PCDHGB1: variants seen among roughly 807,000 people sequenced by gnomAD.
PCDHGB1 encodes protocadherin gamma subfamily B, 1, also known as protocadherin gamma-B1.
Under a neutral mutation model 56.6 loss-of-function variants are expected in PCDHGB1, and 34 were observed. The ratio of observed to expected loss-of-function variants is 0.60; its 90% CI spans 0.46 to 0.80. PCDHGB1 has a LOEUF of 0.80. Among genes scored for constraint, PCDHGB1 ranks in the 30% least tolerant of loss-of-function variants. The pLI, the probability that PCDHGB1 is intolerant of heterozygous loss-of-function variation, is 0.00. For synonymous variants in PCDHGB1, 561 were observed against 505.9 expected (o/e 1.11, Z -1.46); for missense variants, 1,278 against 1,204.6 (o/e 1.06, Z -0.90).
intron 1 of PCDHGB1, chr5:141,389,498 A>C: frequency 6.2e-7 from 1 of 1,613,046 alleles, no homozygotes; most frequent in African/African-American, 1.3e-5. Context: ...AGGGCTCGCC[A>C]GCGCTCAGCG....
At chr5:141,505,777 TCTG>T (rs77860300) in intron 3 of PCDHGB1, among the ~76,000 whole-genome samples, 6,508 of 152,280 alleles carry the variant, frequency 0.043, 161 homozygotes, top group Middle Eastern at 0.13. Context: ...AGGTCCTAGC[TCTG>T]CTACTATCCT....
chr5:141,350,891 G>A lies in PCDHGB1; in HGVS notation c.631G>A (p.Ala211Thr), dbSNP rs780126107. The A allele has an allele frequency of 1.2e-6, 2 of 1,614,036 alleles. No individual in the cohort carries two copies. The highest frequency in any genetic ancestry group is 1.7e-6 in the Non-Finnish European group (2 of 1,179,902). The change falls in exon 1 of 4, where the codon GCC becomes ACC. Residue 211 changes from alanine (A) to threonine (T), a missense_variant. Ala to Thr is a moderately conservative substitution (Grantham distance 58, BLOSUM62 0). Transcript: ENST00000523390. ...GAGCTCTCATCGCTTAATCCTGACT[G>A]CCATGGATGGCGGGGACCCGCCTCT... ...HQSSHRLILT[A>T]MDGGDPPLSG...
intron 1 of PCDHGB1, among the ~76,000 whole-genome samples, chr5:141,381,590 A>G (rs1588902211): frequency 6.6e-6 from 1 of 152,194 alleles, no homozygotes; most frequent in South Asian, 2.1e-4. Context: ...TCCATTATCC[A>G]GTTTCTTATG....
chr5:141,371,271 A>C (rs1251715871), intron 1 of PCDHGB1: 2 of 1,613,938 alleles, frequency 1.2e-6, no homozygotes, highest in Non-Finnish European at 1.7e-6. Flanking sequence ...ACAACTGTTC[A>C]AGCTGGACAG....
chr5:141,361,719 C>G, intron 1 of PCDHGB1: 1 of 1,613,364 alleles, frequency 6.2e-7, no homozygotes. Flanking sequence ...TGCGCGCCTT[C>G]GAGCTCACAC....
chr5:141,432,250 A>C lies in PCDHGB1; in HGVS notation c.2410-62557A>C, dbSNP rs777728825. ...ATTCCCTGGCTGAGAACACCATCCA[A>C]GGGGCAAGCCTATCGTCCTACGTGT... On this transcript the variant is annotated intron_variant, in intron 1 of 3. Coordinates refer to ENST00000523390, the MANE Select transcript of PCDHGB1 (RefSeq NM_018922.3). This position sits in a 1 kb window ranked among gnomAD's most constrained non-coding sequence, Gnocchi z 6.0. 2 of 1,614,116 alleles carry C rather than the reference A, an allele frequency of 1.2e-6. No homozygotes were observed. The highest frequency in any genetic ancestry group is 1.7e-6 in the Non-Finnish European group (2 of 1,180,062).
At chr5:141,405,232 C>T (rs779259588) in intron 1 of PCDHGB1, 8 of 1,613,990 alleles carry the variant, frequency 5.0e-6, no homozygotes, top group Middle Eastern at 1.6e-4. Flanking sequence ...TCTCCCTCAC[C>T]GCTGACTCAA....
intron 1 of PCDHGB1, among the ~76,000 whole-genome samples, chr5:141,368,152 ACC>A (rs1765509493): frequency 2.0e-5 from 3 of 152,192 alleles, no homozygotes; most frequent in Admixed American, 6.5e-5. Flanking sequence ...TACTTTTAAA[ACC>A]TTGAGCATCA....
chr5:141,389,432 C>A (rs1007591817), intron 1 of PCDHGB1: 2 of 1,610,650 alleles, frequency 1.2e-6, no homozygotes, highest in Non-Finnish European at 8.5e-7. Flanking sequence ...TCGCGCAGCG[C>A]GCCTTCGACC....
chr5:141,384,828 G>T (rs746957314), intron 1 of PCDHGB1: 2 of 1,613,488 alleles, frequency 1.2e-6, no homozygotes, highest in African/African-American at 1.3e-5. Flanking sequence ...AGAGCCTCGT[G>T]GTGGCCGTCC....
chr5:141,436,309 T>C (rs1228417864), intron 1 of PCDHGB1, among the ~76,000 whole-genome samples: 1 of 152,198 alleles, frequency 6.6e-6, no homozygotes, highest in Non-Finnish European at 1.5e-5. Flanking sequence ...AGAGCATGAA[T>C]AGTCAAGACT....
At chr5:141,494,770 C>A (rs767006872) in intron 1 of PCDHGB1, 37 bp from the exon 2 acceptor site, 14 of 1,613,904 alleles carry the variant, frequency 8.7e-6, no homozygotes, top group Non-Finnish European at 1.1e-5. Flanking sequence ...TAACTTCTCA[C>A]GGGTACTCAG....
Position 141,351,167 on chromosome 5 carries a change from T to G in PCDHGB1, c.907T>G (p.Leu303Val), listed in dbSNP as rs745490255. The G allele has an allele frequency of 6.2e-7, 1 of 1,613,946 alleles. No individual in the cohort carries two copies. The highest frequency in any genetic ancestry group is 8.5e-7 in the Non-Finnish European group (1 of 1,179,864). ...NTGDITTNGT[L>V]DFEETSRYVL... The stretch of plus-strand genomic sequence containing the variant: ...TGGCGACATCACAACCAATGGCACA[T>G]TGGATTTTGAAGAGACAAGTAGATA... Residue 303 changes from leucine (L) to valine (V), a missense_variant, in exon 1 of 4, where the codon TTG becomes GTG. Leu to Val is a conservative substitution (Grantham distance 32). Transcript: ENST00000523390.
chr5:141,376,214 C>T, intron 1 of PCDHGB1: 1 of 1,614,204 alleles, frequency 6.2e-7, no homozygotes, highest in Non-Finnish European at 8.5e-7. Flanking sequence ...CGTCATCGTG[C>T]TGCTGGCGCT....
At chr5:141,473,270 T>C (rs538574742) in intron 1 of PCDHGB1, among the ~76,000 whole-genome samples, 4 of 152,326 alleles carry the variant, frequency 2.6e-5, no homozygotes, top group African/African-American at 9.6e-5. Context: ...GTGTATGCTA[T>C]GATTATTTTA....
At chr5:141,399,511 C>A (rs1252813422) in intron 1 of PCDHGB1, 1 of 1,613,924 alleles carries the variant, frequency 6.2e-7, no homozygotes, top group African/African-American at 1.3e-5. Flanking sequence ...CGAAAACAAC[C>A]CTCCTGGGGC....
Position 141,438,625 on chromosome 5 carries a change from TATATATATATACAC to T in PCDHGB1, c.2410-56180_2410-56167del, listed in dbSNP as rs1291649000. Among the ~76,000 whole-genome samples, 88 of 46,398 alleles carry T rather than the reference TATATATATATACAC, an allele frequency of 1.9e-3. 1 individual carries two copies. The highest frequency in any genetic ancestry group is 8.6e-3 in the African/African-American group (72 of 8,380). 30.4% of individuals were successfully genotyped at this position (46,398 alleles called of 152,430 possible). A position where few individuals can be genotyped will look rare whatever the true frequency, so the allele number is the denominator to read the frequency against. ...ATATATATATATATATATATATATATATATATATATACACACACACACACACATATATGTATATA... is the reference window on the plus strand; with the variant it reads ...ATATATATATATATATATATATATATACACACACACACATATATGTATATA... On this transcript the variant is annotated intron_variant, in intron 1 of 3. Transcript: ENST00000523390.
At chr5:141,442,947 C>T (rs185574624) in intron 1 of PCDHGB1, among the ~76,000 whole-genome samples, 92 of 152,282 alleles carry the variant, frequency 6.0e-4, no homozygotes, top group African/African-American at 1.7e-3. Flanking sequence ...AACTTCCTCT[C>T]ACTGCAAAAA....
At position 141,491,682 on chromosome 5, in the gene PCDHGB1, G is replaced by A. The variant is rs11952292; in HGVS notation, c.2410-3125G>A. The A allele has an allele frequency of 1.9e-6, 3 of 1,613,150 alleles. No individual in the cohort carries two copies. Among genetic ancestry groups the A allele is most frequent in the South Asian group, 1.1e-5 (1 of 91,046 alleles). On this transcript the variant is annotated intron_variant, in intron 1 of 3. Coordinates refer to ENST00000523390, the MANE Select transcript of PCDHGB1 (RefSeq NM_018922.3). The surrounding 1 kb of genome is among the most constrained non-coding windows in gnomAD (Gnocchi z 6.9). Reference sequence around the variant, plus strand: ...ACGCCATCCGGTCCCGCTCTAATACGCTGCGGGAGCGGAGCCAGGTGAGGG... The same window carrying A: ...ACGCCATCCGGTCCCGCTCTAATACACTGCGGGAGCGGAGCCAGGTGAGGG...
Sources: gnomAD v4.1 joint callset for allele counts (sites outside exome capture counted in the v4.1 genomes callset) on GRCh38, gnomAD v4.1.1 for gene constraint, Gnocchi (gnomAD v3.1) non-coding constraint, MANE v1.5 for transcripts, NCBI Gene and HGNC (gene_info 2026-07-23, HGNC 2026-07-21) for gene names.